The following PLEKHG1 variants were observed in gnomAD, a reference collection of about 807,000 sequenced individuals.
PLEKHG1 encodes pleckstrin homology and RhoGEF domain containing G1.
In PLEKHG1, 44 loss-of-function variants were observed where a neutral mutation model predicts 100.8. The ratio of observed to expected loss-of-function variants is 0.44; its 90% CI spans 0.34 to 0.56. The LOEUF (loss-of-function observed/expected upper bound fraction) is 0.56. Ranked by LOEUF, PLEKHG1 falls within the 20% of genes least tolerant of loss-of-function variation. PLEKHG1 has a pLI of 0.01. For synonymous variants in PLEKHG1, 640 were observed against 662.5 expected (o/e 0.97, Z 0.52); for missense variants, 1,545 against 1,720.9 (o/e 0.90, Z 1.81).
intron 11 of PLEKHG1, among the ~76,000 whole-genome samples, chr6:150,819,236 G>A (rs1776161318): frequency 2.0e-5 from 3 of 151,778 alleles, no homozygotes; most frequent in Non-Finnish European, 4.4e-5. Flanking sequence ...AGCAATTATG[G>A]GAGGAGGATC....
At chr6:150,799,491 C>T (rs905426804) in intron 5 of PLEKHG1, among the ~76,000 whole-genome samples, 48 of 152,190 alleles carry the variant, frequency 3.2e-4, no homozygotes, top group African/African-American at 1.1e-3. Flanking sequence ...CCAAGACTTC[C>T]GGGAACCTGG....
intron 7 of PLEKHG1, among the ~76,000 whole-genome samples, chr6:150,806,838 AAAAAAAAAAAAAATG>A (rs1787142754): frequency 1.4e-5 from 2 of 138,832 alleles, no homozygotes; most frequent in South Asian, 4.8e-4. Context: ...TCAAAAAAAA[AAAAAAAAAAAAAATG>A]AAATGAAAAA....
At chr6:150,618,612 G>A (rs1777163673) in intron 1 of PLEKHG1, among the ~76,000 whole-genome samples, 2 of 152,128 alleles carry the variant, frequency 1.3e-5, no homozygotes, top group South Asian at 4.2e-4. Context: ...TAAAATGCAG[G>A]GAAATAATTA....
intron 1 of PLEKHG1, among the ~76,000 whole-genome samples, chr6:150,617,539 A>G (rs1777122794): frequency 6.6e-6 from 1 of 152,236 alleles, no homozygotes; most frequent in Admixed American, 6.5e-5. Flanking sequence ...TGTTAATGTC[A>G]TGAACCTTTG....
chr6:150,796,901 T>C (rs780934937), intron 5 of PLEKHG1, among the ~76,000 whole-genome samples: 3 of 152,238 alleles, frequency 2.0e-5, no homozygotes, highest in Non-Finnish European at 4.4e-5. Flanking sequence ...TTGAAAAGTT[T>C]CTGAAACTTT....
At chr6:150,766,688 T>C (rs1784469973) in intron 2 of PLEKHG1, among the ~76,000 whole-genome samples, 1 of 152,268 alleles carries the variant, frequency 6.6e-6, no homozygotes, top group African/African-American at 2.4e-5. Flanking sequence ...GAGCTGGCGA[T>C]GGGCCATCAG....
At chr6:150,838,377 TTTC>T (rs1376912304) in intron 15 of PLEKHG1, among the ~76,000 whole-genome samples, 6 of 152,188 alleles carry the variant, frequency 3.9e-5, no homozygotes, top group African/African-American at 1.4e-4. Flanking sequence ...ATCTGTAAAC[TTTC>T]TTAAAACATT....
At chr6:150,764,950 A>ATTT (rs3072747) in intron 2 of PLEKHG1, among the ~76,000 whole-genome samples, 2 of 150,790 alleles carry the variant, frequency 1.3e-5, no homozygotes, top group Non-Finnish European at 3.0e-5. Flanking sequence ...TGTTTTATGC[A>ATTT]TTTTTTTTTA....
At chr6:150,629,467 CT>C (rs370408016) in intron 1 of PLEKHG1, among the ~76,000 whole-genome samples, 3,789 of 146,618 alleles carry the variant, frequency 0.026, 72 homozygotes, top group Non-Finnish European at 0.034. Flanking sequence ...GAAAACCATC[CT>C]TTTTTTTTTT....
chr6:150,832,302 C>T, intron 15 of PLEKHG1, 97 bp downstream of exon 16: 2 of 985,724 alleles, frequency 2.0e-6, no homozygotes, highest in Non-Finnish European at 3.0e-6. Flanking sequence ...TGTGAGAACA[C>T]TGACACTCAA....
At chr6:150,756,149 C>T (rs549623465) in intron 2 of PLEKHG1, among the ~76,000 whole-genome samples, 1 of 151,538 alleles carries the variant, frequency 6.6e-6, no homozygotes, top group African/African-American at 2.4e-5. Flanking sequence ...GACAGTATGA[C>T]AGAAGGACAT....
intron 4 of PLEKHG1, among the ~76,000 whole-genome samples, chr6:150,787,775 AT>A (rs918683462): frequency 1.3e-5 from 2 of 152,134 alleles, no homozygotes; most frequent in African/African-American, 4.8e-5. Flanking sequence ...CCATGGGCTT[AT>A]ATGTAAAGGC....
chr6:150,758,336 C>CT (rs58766862), intron 2 of PLEKHG1, among the ~76,000 whole-genome samples: 1,766 of 141,986 alleles, frequency 0.012, 23 homozygotes, highest in African/African-American at 0.033. Flanking sequence ...TGTTTCTTGA[C>CT]TTTTTTTTTT....
chr6:150,835,609 T>C (rs1777183261), intron 15 of PLEKHG1, among the ~76,000 whole-genome samples: 1 of 152,122 alleles, frequency 6.6e-6, no homozygotes, highest in Non-Finnish European at 1.5e-5. Context: ...GAACTAAGGA[T>C]ATGGGGGAGC....
intron 3 of PLEKHG1, among the ~76,000 whole-genome samples, chr6:150,657,565 A>G (rs1278817381): frequency 1.3e-5 from 2 of 152,168 alleles, no homozygotes; most frequent in Non-Finnish European, 2.9e-5. Context: ...CTCTCATTGT[A>G]TTGGTAGATT....
chr6:150,711,357 A>G (rs929535839), intron 3 of PLEKHG1, among the ~76,000 whole-genome samples: 3 of 152,210 alleles, frequency 2.0e-5, no homozygotes, highest in African/African-American at 7.2e-5. Context: ...GTATTCCATC[A>G]GTAGTTGAAC....
chr6:150,767,241 A>C (rs747096004), intron 2 of PLEKHG1, among the ~76,000 whole-genome samples: 2 of 152,042 alleles, frequency 1.3e-5, no homozygotes, highest in African/African-American at 2.4e-5. Context: ...TGTCTGTCCT[A>C]TGCAGGTACT....
At chr6:150,773,600 C>T (rs887409504) in intron 3 of PLEKHG1, among the ~76,000 whole-genome samples, 32 of 152,346 alleles carry the variant, frequency 2.1e-4, no homozygotes, top group African/African-American at 7.0e-4. Context: ...TTCACTGGCC[C>T]ACCCATTCTT....
chr6:150,622,709 TC>T (rs1777351804), intron 1 of PLEKHG1, among the ~76,000 whole-genome samples: 1 of 152,246 alleles, frequency 6.6e-6, no homozygotes, highest in South Asian at 2.1e-4. Flanking sequence ...CAGGATGTGT[TC>T]CTCTAGGCAT....
Sources: allele counts gnomAD v4.1 joint callset (sites outside exome capture counted in the v4.1 genomes callset), GRCh38; gene constraint gnomAD v4.1.1; transcripts MANE v1.5; gene names NCBI Gene and HGNC (gene_info 2026-07-23, HGNC 2026-07-21).